Variants in PKM observed in about 807,000 individuals in gnomAD.
The protein encoded by PKM is pyruvate kinase M1/2.
Under a neutral mutation model 49.8 loss-of-function variants are expected in PKM, and 18 were observed. That is an observed-to-expected ratio of 0.36 (90% CI 0.25 to 0.54). The LOEUF (loss-of-function observed/expected upper bound fraction) is 0.54, where lower values mean the gene tolerates loss of function less well. Among genes scored for constraint, PKM ranks in the 20% least tolerant of loss-of-function variants. The pLI is 0.89. For missense variants in PKM, 508 were observed against 713.8 expected (o/e 0.71, Z 3.28); for synonymous variants, 239 against 261.8 (o/e 0.91, Z 0.84).
chr15:72,212,349 C>T (rs950083549), intron 3 of PKM, among the ~76,000 whole-genome samples: 19 of 151,962 alleles, frequency 1.3e-4, no homozygotes, highest in African/African-American at 4.6e-4. Context: ...GTGGCGTGCA[C>T]CTGTAGTCCC....
rs1346728359 is a variant in PKM, at chr15:72,200,136, A to C, written c.1489+338T>G. ...GGAGCTGTGGCCAATTTTATTTAAA[A>C]AAAAAACAAAAAACAAAAAAAACTC... On this transcript the variant is annotated intron_variant, in intron 10 of 10. Transcript: ENST00000335181. This position sits in a 1 kb window ranked among gnomAD's most constrained non-coding sequence, Gnocchi z 4.6. 6.6e-6 allele frequency among the ~76,000 whole-genome samples: 1 copy of C among 152,084 alleles called. No homozygotes were observed. Among genetic ancestry groups the C allele is most frequent in the Non-Finnish European group, 1.5e-5 (1 of 68,036 alleles).
intron 6 of PKM, 23 bp from the exon 7 acceptor site, chr15:72,207,300 G>C (rs747522044): frequency 6.2e-7 from 1 of 1,612,962 alleles, no homozygotes; most frequent in South Asian, 1.1e-5. Flanking sequence ...GTTGGGGGGA[G>C]AGAGGTTATA....
In PKM at chr15:72,209,680, C is replaced by A. The variant is rs11558351; in HGVS notation, c.558G>T (p.Lys186Asn). The A allele has an allele frequency of 3.1e-6, 5 of 1,613,214 alleles. No homozygotes were observed. The Admixed American group carries it at 5.0e-5, about 16-fold the overall frequency. ...TCCAGCTCCCATACGTACCTTTCTG[C>A]TTCACCTGGAGAGAAATAAGCCCAT... ...VDDGLISLQV[K>N]QKGADFLVTE... Residue 186 changes from lysine (K) to asparagine (N), a missense_variant, in exon 5 of 11, where the codon AAG becomes AAT. Coordinates refer to ENST00000335181, the MANE Select transcript of PKM (RefSeq NM_002654.6).
At chr15:72,209,396 A>AATACATATAT (rs1268011418) in intron 5 of PKM, 18 of 78,982 alleles carry the variant, frequency 2.3e-4, no homozygotes, top group African/African-American at 1.1e-3. Flanking sequence ...CAGCGAAACA[A>AATACATATAT]ATATATATAT....
intron 8 of PKM, among the ~76,000 whole-genome samples, chr15:72,205,154 C>T (rs2082040898): frequency 6.6e-6 from 1 of 151,374 alleles, no homozygotes; most frequent in African/African-American, 2.4e-5. Flanking sequence ...GACAGGGTGT[C>T]ACTTTGTCAC....
chr15:72,223,173 C>T (rs189872880), intron 1 of PKM, among the ~76,000 whole-genome samples: 1 of 152,102 alleles, frequency 6.6e-6, no homozygotes, highest in East Asian at 1.9e-4. Flanking sequence ...GAACCACACC[C>T]AACTCCCATG....
chr15:72,215,837 C>A (rs925808717), intron 3 of PKM, among the ~76,000 whole-genome samples: 1 of 152,164 alleles, frequency 6.6e-6, no homozygotes, highest in Non-Finnish European at 1.5e-5. Flanking sequence ...GTCTTCAGCT[C>A]TCTCTAAGCT....
chr15:72,227,756 A>C lies in PKM; in HGVS notation c.-14+3360T>G, dbSNP rs1189356353. Among the ~76,000 whole-genome samples the C allele has an allele frequency of 2.0e-4, 27 of 138,052 alleles. No homozygotes were observed. The South Asian group carries it at 3.6e-3, about 18-fold the overall frequency. 90.6% of individuals were successfully genotyped at this position (138,052 alleles called of 152,430 possible). On this transcript the variant is annotated intron_variant, in intron 1 of 10. Coordinates refer to ENST00000335181, the MANE Select transcript of PKM (RefSeq NM_002654.6). ...AGCAAAACTATCTCAAAAAAAAAAA[A>C]AAAAAAAAAAAAAAAAAACAAAAAA... is the stretch of plus-strand genomic sequence containing the variant.
At chr15:72,205,624 G>GTTTTTTTTTTTTTTTTTTT (rs140232218) in intron 8 of PKM, among the ~76,000 whole-genome samples, 1 of 99,740 alleles carries the variant, frequency 1.0e-5, no homozygotes, top group Non-Finnish European at 2.0e-5. Context: ...GGGTGTTTTA[G>GTTTTTTTTTTTTTTTTTTT]TTTTTTTTTT....
At chr15:72,221,273 T>C (rs2082515303) in intron 1 of PKM, 3 of 1,532,814 alleles carry the variant, frequency 2.0e-6, no homozygotes, top group Non-Finnish European at 2.6e-6. Context: ...GAATACGGTG[T>C]GCCCTGGAGA....
chr15:72,208,016 G>A (rs2082130557), intron 6 of PKM, among the ~76,000 whole-genome samples: 1 of 152,236 alleles, frequency 6.6e-6, no homozygotes, highest in Admixed American at 6.5e-5. Flanking sequence ...GCTCTACTTT[G>A]TGAGCATTGG....
intron 1 of PKM, chr15:72,221,263 G>A: frequency 1.3e-6 from 2 of 1,534,704 alleles, no homozygotes; most frequent in Non-Finnish European, 8.7e-7. Context: ...GCTCAGAGCT[G>A]AATACGGTGT....
At chr15:72,227,780 AACTG>A (rs2082720686) in intron 1 of PKM, among the ~76,000 whole-genome samples, 1 of 138,908 alleles carries the variant, frequency 7.2e-6, no homozygotes, top group Non-Finnish European at 1.6e-5. Context: ...AAAAACAAAA[AACTG>A]AAGCAAAATA....
intron 8 of PKM, chr15:72,203,212 G>A (rs764415626): frequency 6.2e-7 from 1 of 1,610,174 alleles, no homozygotes; most frequent in Non-Finnish European, 8.5e-7. Flanking sequence ...GGGAAGAGGG[G>A]GCAAGGAAGA....
At chr15:72,215,714 A>G (rs992209550) in intron 3 of PKM, among the ~76,000 whole-genome samples, 1 of 152,178 alleles carries the variant, frequency 6.6e-6, no homozygotes, top group Admixed American at 6.5e-5. Context: ...GGAACCATAA[A>G]GCCTACTTAA....
intron 7 of PKM, 41 bp from the exon 8 acceptor site, chr15:72,206,921 G>T: frequency 6.2e-7 from 1 of 1,609,926 alleles, no homozygotes; most frequent in Non-Finnish European, 8.5e-7. Context: ...AGCTTGAGCT[G>T]TCTTCAGAGA....
intron 1 of PKM, among the ~76,000 whole-genome samples, chr15:72,222,108 C>T (rs543288869): frequency 2.0e-5 from 3 of 152,324 alleles, no homozygotes; most frequent in African/African-American, 7.2e-5. Flanking sequence ...ATATTGGCCT[C>T]AAACACAAAC....
intron 3 of PKM, among the ~76,000 whole-genome samples, chr15:72,216,466 T>C (rs552580868): frequency 6.6e-6 from 1 of 152,024 alleles, no homozygotes; most frequent in African/African-American, 2.4e-5. Flanking sequence ...CCCAAAAAAA[T>C]TTTTAAATTA....
At chr15:72,229,569 T>G (rs1309871283) in intron 1 of PKM, 2 of 1,287,994 alleles carry the variant, frequency 1.6e-6, no homozygotes, top group South Asian at 2.5e-5. Flanking sequence ...TTAAATGATC[T>G]TCAGACTGGA....
Sources: allele counts gnomAD v4.1 joint callset (sites outside exome capture counted in the v4.1 genomes callset), GRCh38; gene constraint gnomAD v4.1.1; non-coding constraint Gnocchi (gnomAD v3.1); transcripts MANE v1.5; gene names NCBI Gene and HGNC (gene_info 2026-07-23, HGNC 2026-07-21).